The following HDLBP variants were observed in gnomAD, a reference collection of about 807,000 sequenced individuals.
HDLBP encodes vigilin.
Under a neutral mutation model 137.3 loss-of-function variants are expected in HDLBP, and 30 were observed. The ratio of observed to expected loss-of-function variants is 0.22; its 90% CI spans 0.16 to 0.30. The LOEUF is 0.30. Among genes scored for constraint, HDLBP ranks in the 10% least tolerant of loss-of-function variants. HDLBP has a pLI of 1.00. For missense variants in HDLBP, 1,119 were observed against 1,667.3 expected (o/e 0.67, Z 5.73); for synonymous variants, 606 against 596.0 (o/e 1.02, Z -0.24).
chr2:241,270,685 T>G (rs1297034447), intron 1 of HDLBP, among the ~76,000 whole-genome samples: 1 of 152,168 alleles, frequency 6.6e-6, no homozygotes, highest in African/African-American at 2.4e-5. Flanking sequence ...AAGCTGACCC[T>G]ACAGCCCCAT....
chr2:241,246,571 T>C, intron 16 of HDLBP, 181 bp downstream of exon 16: 1 of 614,966 alleles, frequency 1.6e-6, no homozygotes, highest in South Asian at 2.3e-5. Flanking sequence ...TAAGTAAGTA[T>C]CGTGAGAGAC....
intron 1 of HDLBP, among the ~76,000 whole-genome samples, chr2:241,300,950 CTATTATTATTATTATTATTATTAT>C (rs66491533): frequency 4.9e-5 from 7 of 143,910 alleles, no homozygotes; most frequent in African/African-American, 1.8e-4. Context: ...TGCACACATA[CTATTATTATTATTATTATTATTAT>C]TATTATTATT....
At chr2:241,235,076 T>C (rs771541268) in intron 23 of HDLBP, 45 bp downstream of exon 23, 1 of 1,601,862 alleles carries the variant, frequency 6.2e-7, no homozygotes, top group South Asian at 1.1e-5. Flanking sequence ...TGCCCAAAGC[T>C]GAGCACCATG....
chr2:241,305,259 G>A (rs148368059), intron 1 of HDLBP, among the ~76,000 whole-genome samples: 1 of 152,290 alleles, frequency 6.6e-6, no homozygotes, highest in African/African-American at 2.4e-5. Flanking sequence ...GAGTAGCTGC[G>A]ACTACAGGCA....
rs2069561866 is a variant in HDLBP at position 241,230,085 on chromosome 2, C to T, written c.3591+68G>A. ...AAGTGCCACCTTGTCCCCTGAAGCT[C>T]CTGGCTGGGCCTCAGGCCGGTGGAC... On this transcript the variant is annotated intron_variant, in intron 26 of 27. Transcript: ENST00000310931. The surrounding 1 kb of genome is among the most constrained non-coding windows in gnomAD (Gnocchi z 5.0). 3 of 1,590,060 alleles carry T rather than the reference C, an allele frequency of 1.9e-6. No homozygotes were observed. The highest frequency in any genetic ancestry group is 3.6e-4 in the Middle Eastern group (2 of 5,616).
At chr2:241,268,051 C>A in intron 2 of HDLBP, 1 of 783,372 alleles carries the variant, frequency 1.3e-6, no homozygotes, top group Non-Finnish European at 1.5e-6. Context: ...GAGGAAGAAC[C>A]CATTTTCTTT....
In HDLBP at chr2:241,228,639, CG is replaced by C. The variant is rs1033436996; in HGVS notation, c.*961del. The C allele has an allele frequency of 2.0e-5, 3 of 152,616 alleles. No individual in the cohort carries two copies. The highest frequency in any genetic ancestry group is 2.9e-5 in the Non-Finnish European group (2 of 68,074). The allele number at this position is 152,616 out of a possible 1,614,324, so 9.5% of individuals were successfully genotyped here. A position where few individuals can be genotyped will look rare whatever the true frequency, so the allele number is the denominator to read the frequency against. On this transcript the variant is annotated 3_prime_UTR_variant, in exon 28 of 28. Coordinates refer to ENST00000310931, the MANE Select transcript of HDLBP (RefSeq NM_005336.6). ...CACCAGAAACATCTCAATCAAGAGA[CG>C]GGTGTGTGGGGTGGCACTAACTGCA...
intron 5 of HDLBP, among the ~76,000 whole-genome samples, chr2:241,259,174 C>A (rs1176399277): frequency 6.6e-6 from 1 of 152,064 alleles, no homozygotes; most frequent in African/African-American, 2.4e-5. Context: ...TATGCAGACA[C>A]CTCCAAAAAA....
intron 1 of HDLBP, among the ~76,000 whole-genome samples, chr2:241,308,907 A>C (rs576274772): frequency 6.6e-6 from 1 of 152,226 alleles, no homozygotes; most frequent in East Asian, 1.9e-4. Context: ...GACTGCTAGG[A>C]GCCCCGGCTT....
At position 241,253,433 on chromosome 2, in the gene HDLBP, T is replaced by G. The variant is rs7578199; in HGVS notation, c.1253A>C (p.Asn418Thr). ...GCCTTCTATCTGTTCCTGGGCCACA[T>G]TGACATCCTCTGTAGGGCCCTCCAG... ...ITLEGPTEDV[N>T]VAQEQIEGMV... Residue 418 changes from asparagine (N) to threonine (T), a missense_variant, in exon 10 of 28, where the codon AAT becomes ACT. Coordinates refer to ENST00000310931, the MANE Select transcript of HDLBP (RefSeq NM_005336.6). 81 of 1,612,950 alleles carry G rather than the reference T, an allele frequency of 5.0e-5. 1 individual carries two copies. The South Asian group carries it at 7.8e-4, about 16-fold the overall frequency.
At chr2:241,237,642 G>T (rs192983711) in intron 20 of HDLBP, among the ~76,000 whole-genome samples, 5 of 152,110 alleles carry the variant, frequency 3.3e-5, no homozygotes, top group Admixed American at 6.5e-5. Context: ...AAATGTGCTA[G>T]AATTATGTAA....
chr2:241,236,570 G>T, intron 21 of HDLBP, 45 bp downstream of exon 21: 2 of 1,602,068 alleles, frequency 1.2e-6, no homozygotes, highest in South Asian at 2.2e-5. Context: ...GGTGCCTGCT[G>T]ACTGGGCCTT....
At chr2:241,236,480 C>T (rs1450899256) in intron 21 of HDLBP, 135 bp downstream of exon 21, 13 of 863,278 alleles carry the variant, frequency 1.5e-5, no homozygotes, top group South Asian at 4.7e-5. Flanking sequence ...CGTGCGCACA[C>T]GGTAGGAGCA....
chr2:241,273,688 T>C, intron 1 of HDLBP: 2 of 984,694 alleles, frequency 2.0e-6, no homozygotes, highest in Non-Finnish European at 2.4e-6. Context: ...ACTACAGGTA[T>C]CTGGGGACAA....
rs1482341351 is a variant in HDLBP, at chr2:241,240,379, C to G, written c.2170-257G>C. ...GAACACACAGGCTTAGAACCCTGGT[C>G]CTGCCACTTACAAGCACTGACCAAA... On this transcript the variant is annotated intron_variant, in intron 17 of 27. Transcript: ENST00000310931. The surrounding 1 kb of genome is among the most constrained non-coding windows in gnomAD (Gnocchi z 5.5). Among the ~76,000 whole-genome samples, 1 of 152,196 alleles carries G rather than the reference C, an allele frequency of 6.6e-6. No homozygotes were observed. Among genetic ancestry groups the G allele is most frequent in the Non-Finnish European group, 1.5e-5 (1 of 68,028 alleles).
At chr2:241,234,061 G>C in intron 23 of HDLBP, 98 bp from the exon 24 acceptor site, 4 of 1,361,592 alleles carry the variant, frequency 2.9e-6, no homozygotes, top group Non-Finnish European at 4.1e-6. Context: ...TGGAGATGCT[G>C]CAGTGTTCTG....
chr2:241,303,386 TG>T (rs2075457715), intron 1 of HDLBP, among the ~76,000 whole-genome samples: 1 of 152,180 alleles, frequency 6.6e-6, no homozygotes, highest in Non-Finnish European at 1.5e-5. Context: ...AACAGGACGC[TG>T]GAAGACTGGA....
rs2070427509 is a variant in HDLBP at position 241,236,310 on chromosome 2, C to T, written c.2904+305G>A. 6.1e-5 allele frequency: 24 copies of T among 394,948 alleles called. No homozygotes were observed. The South Asian group carries it at 8.7e-4, about 14-fold the overall frequency. 24.5% of individuals were successfully genotyped at this position (394,948 alleles called of 1,614,324 possible). A position where few individuals can be genotyped will look rare whatever the true frequency, so the allele number is the denominator to read the frequency against. On this transcript the variant is annotated intron_variant, in intron 21 of 27. Transcript: ENST00000310931. ...AGACGTTGCAACTGGAGGTCACATT[C>T]ATCCCCCTGCAGCTGAGACCCTTCC...
At chr2:241,271,864 G>A (rs1051236938) in intron 1 of HDLBP, 2 of 152,244 alleles carry the variant, frequency 1.3e-5, no homozygotes, top group African/African-American at 4.8e-5. Context: ...AAATCTAGGA[G>A]AGACCACAGG....
Sources: allele counts gnomAD v4.1 joint callset (sites outside exome capture counted in the v4.1 genomes callset), GRCh38; gene constraint gnomAD v4.1.1; non-coding constraint Gnocchi (gnomAD v3.1); transcripts MANE v1.5; gene names NCBI Gene and HGNC (gene_info 2026-07-23, HGNC 2026-07-21).